COL22A1: variants seen among roughly 807,000 people sequenced by gnomAD.
COL22A1 encodes collagen type XXII alpha 1 chain, also known as collagen alpha-1(XXII) chain.
A neutral mutation model predicts 248.9 loss-of-function variants in COL22A1; 221 were observed. That is an observed-to-expected ratio of 0.89 (90% CI 0.80 to 0.99). The LOEUF (loss-of-function observed/expected upper bound fraction) is 0.99. COL22A1 is among the 50% of genes least tolerant of loss of function. The probability of loss-of-function intolerance (pLI) is 0.00; values close to 1 mark genes in which losing one functional copy is unlikely to be tolerated. For missense variants in COL22A1, 2,240 were observed against 2,179.0 expected, an observed-to-expected ratio of 1.03 and a Z score of -0.56; for synonymous variants, 891 against 793.4, an observed-to-expected ratio of 1.12 and a Z score of -2.07.
At chr8:138,835,256 A>G (rs551658092) in intron 4 of COL22A1, among the ~76,000 whole-genome samples, 307 of 152,348 alleles carry the variant, frequency 2.0e-3, no homozygotes, top group Non-Finnish European at 3.5e-3. Context: ...TTTCACACAC[A>G]GGCTATTTAA....
intron 6 of COL22A1, among the ~76,000 whole-genome samples, chr8:138,821,863 T>G (rs1819167153): frequency 6.6e-6 from 1 of 152,114 alleles, no homozygotes; most frequent in African/African-American, 2.4e-5. Flanking sequence ...TCAGGCCTGA[T>G]CTATTACCCT....
chr8:138,810,323 T>C (rs1329326621), intron 9 of COL22A1, among the ~76,000 whole-genome samples: 2 of 152,242 alleles, frequency 1.3e-5, no homozygotes, highest in Non-Finnish European at 2.9e-5. Context: ...AACCTTACCA[T>C]GCCATCACTC....
At chr8:138,767,696 G>C (rs770773588) in intron 16 of COL22A1, among the ~76,000 whole-genome samples, 2 of 152,196 alleles carry the variant, frequency 1.3e-5, no homozygotes, top group Non-Finnish European at 2.9e-5. Context: ...CCAGTCTCCA[G>C]ACAGTGCACC....
At chr8:138,708,752 A>G (rs1369056876) in intron 30 of COL22A1, among the ~76,000 whole-genome samples, 1 of 152,240 alleles carries the variant, frequency 6.6e-6, no homozygotes, top group Non-Finnish European at 1.5e-5. Flanking sequence ...CTAAAACACC[A>G]AAAGTAATGG....
At chr8:138,634,096 TA>T (rs1237606868) in intron 49 of COL22A1, among the ~76,000 whole-genome samples, 2 of 152,242 alleles carry the variant, frequency 1.3e-5, no homozygotes, top group Admixed American at 1.3e-4. Flanking sequence ...CATCGGATTT[TA>T]TTGAAAATAT....
At chr8:138,740,306 G>A (rs1831449018) in intron 22 of COL22A1, among the ~76,000 whole-genome samples, 2 of 152,182 alleles carry the variant, frequency 1.3e-5, no homozygotes, top group Admixed American at 6.5e-5. Flanking sequence ...AATATCTAAT[G>A]GTTGGTAAGA....
At chr8:138,625,453 G>T (rs903781819) in intron 51 of COL22A1, among the ~76,000 whole-genome samples, 2 of 152,186 alleles carry the variant, frequency 1.3e-5, no homozygotes, top group African/African-American at 2.4e-5. Flanking sequence ...CACTCTCAGT[G>T]CAGAAGGCAG....
At chr8:138,888,094 A>G (rs923426145) in intron 1 of COL22A1, among the ~76,000 whole-genome samples, 5 of 152,204 alleles carry the variant, frequency 3.3e-5, no homozygotes, top group Non-Finnish European at 4.4e-5. Context: ...GGAAAACAAT[A>G]CACATTTCAC....
intron 41 of COL22A1, among the ~76,000 whole-genome samples, chr8:138,673,479 G>A (rs1351833973): frequency 6.6e-6 from 1 of 152,150 alleles, no homozygotes; most frequent in Non-Finnish European, 1.5e-5. Context: ...AAAGTGCTGG[G>A]ATTACAGGCA....
intron 18 of COL22A1, 39 bp from the exon 19 acceptor site, chr8:138,755,868 T>G: frequency 6.3e-7 from 1 of 1,588,476 alleles, no homozygotes; most frequent in Non-Finnish European, 8.6e-7. Context: ...TAGTTACTGG[T>G]GCCACCTTCT....
At chr8:138,887,496 G>A (rs1307278480) in intron 1 of COL22A1, among the ~76,000 whole-genome samples, 1 of 152,160 alleles carries the variant, frequency 6.6e-6, no homozygotes, top group East Asian at 1.9e-4. Flanking sequence ...GGGATTACAG[G>A]CGTGAGCCAC....
chr8:138,889,478 C>G (rs1234233454), intron 1 of COL22A1, among the ~76,000 whole-genome samples: 1 of 152,140 alleles, frequency 6.6e-6, no homozygotes, highest in African/African-American at 2.4e-5. Flanking sequence ...AAACCAAACA[C>G]CGCATGTTCT....
intron 52 of COL22A1, among the ~76,000 whole-genome samples, chr8:138,623,384 C>T (rs577142535): frequency 2.0e-5 from 3 of 151,684 alleles, no homozygotes; most frequent in South Asian, 2.1e-4. Context: ...CTCCTCCAGG[C>T]GATGCTCATC....
At chr8:138,760,200 C>T (rs1023030204) in intron 18 of COL22A1, 43 bp downstream of exon 18, 3 of 1,512,794 alleles carry the variant, frequency 2.0e-6, no homozygotes, top group African/African-American at 1.4e-5. Flanking sequence ...CCGCACCTGC[C>T]TGCCCAGGGC....
At chr8:138,737,390 C>T in intron 23 of COL22A1, 134 bp downstream of exon 23, 1 of 668,394 alleles carries the variant, frequency 1.5e-6, no homozygotes, top group South Asian at 1.7e-5. Context: ...ACGTGACCCA[C>T]TGGCTGTTCT....
chr8:138,889,655 T>C (rs1367263152), intron 1 of COL22A1, among the ~76,000 whole-genome samples: 4 of 152,180 alleles, frequency 2.6e-5, no homozygotes, highest in Non-Finnish European at 5.9e-5. Flanking sequence ...ATGGCACGTA[T>C]ACATATGTAA....
intron 2 of COL22A1, among the ~76,000 whole-genome samples, chr8:138,878,831 C>T (rs539936493): frequency 1.3e-5 from 2 of 152,164 alleles, no homozygotes; most frequent in South Asian, 2.1e-4. Context: ...CGCAGTGAAA[C>T]CCCATCTCTA....
chr8:138,899,611 C>A (rs1814393929), intron 1 of COL22A1, among the ~76,000 whole-genome samples: 1 of 152,106 alleles, frequency 6.6e-6, no homozygotes, highest in Admixed American at 6.6e-5. Context: ...GCAGCCTCCA[C>A]CCCTTGGGTT....
chr8:138,741,338 A>G (rs1368864256), intron 22 of COL22A1, among the ~76,000 whole-genome samples: 3 of 152,240 alleles, frequency 2.0e-5, no homozygotes, highest in Non-Finnish European at 4.4e-5. Flanking sequence ...GGTGGGGTAC[A>G]AAGCTCCAAG....
Sources: gnomAD v4.1 joint callset for allele counts (sites outside exome capture counted in the v4.1 genomes callset) on GRCh38, gnomAD v4.1.1 for gene constraint, MANE v1.5 for transcripts, NCBI Gene and HGNC (gene_info 2026-07-23, HGNC 2026-07-21) for gene names.